The following MRPS6 variants were observed in gnomAD, a reference collection of about 807,000 sequenced individuals.
MRPS6 encodes the protein small ribosomal subunit protein bS6m.
Under a neutral mutation model 13.1 loss-of-function variants are expected in MRPS6, and 6 were observed. The observed-to-expected ratio is 0.46, with a 90% CI of 0.25 to 0.91. The LOEUF (loss-of-function observed/expected upper bound fraction) is 0.91. MRPS6 is among the 40% of genes least tolerant of loss of function. The pLI is 0.18. For synonymous variants in MRPS6, 61 were observed against 56.5 expected, an observed-to-expected ratio of 1.08 and a Z score of -0.36; for missense variants, 164 against 155.6, an observed-to-expected ratio of 1.05 and a Z score of -0.29.
At chr21:34,116,212 G>GTGTGTGTA (rs1369634931) in intron 1 of MRPS6, among the ~76,000 whole-genome samples, 2 of 145,814 alleles carry the variant, frequency 1.4e-5, no homozygotes, top group Admixed American at 7.3e-5. Flanking sequence ...GTGTGTGTGT[G>GTGTGTGTA]TGTGTATGTG....
chr21:34,126,049 AT>A (rs755865596), intron 2 of MRPS6, among the ~76,000 whole-genome samples: 27 of 152,310 alleles, frequency 1.8e-4, no homozygotes, highest in Non-Finnish European at 3.4e-4. Context: ...TTGGAGAACA[AT>A]TTGTAGAATA....
chr21:34,120,289 A>G (rs1416079332), intron 1 of MRPS6, among the ~76,000 whole-genome samples: 1 of 152,146 alleles, frequency 6.6e-6, no homozygotes, highest in Non-Finnish European at 1.5e-5. Context: ...TCCTGTATCT[A>G]TTTATGTACT....
intron 1 of MRPS6, among the ~76,000 whole-genome samples, chr21:34,121,722 C>T (rs903971777): frequency 3.9e-5 from 6 of 152,298 alleles, no homozygotes; most frequent in East Asian, 3.9e-4. Flanking sequence ...CATTTGTTTC[C>T]TGTAAACTAT....
chr21:34,136,234 G>A (rs533038623), intron 2 of MRPS6, among the ~76,000 whole-genome samples: 12 of 151,810 alleles, frequency 7.9e-5, no homozygotes, highest in Admixed American at 2.0e-4. Flanking sequence ...TGCAACCTCC[G>A]CCTCCCAGGT....
In MRPS6 at chr21:34,128,395, A is replaced by G. The variant is rs60561264; in HGVS notation, c.185+2915A>G. Among the ~76,000 whole-genome samples, 1,136 of 152,226 alleles carry G rather than the reference A, an allele frequency of 7.5e-3. 14 individuals carry two copies. The highest frequency in any genetic ancestry group is 0.026 in the African/African-American group (1,060 of 41,516). On this transcript the variant is annotated intron_variant, in intron 2 of 2. Coordinates refer to ENST00000399312, the MANE Select transcript of MRPS6 (RefSeq NM_032476.4). ...CCCCAAATCAACCGCCTTATCACGTACATGCCCAGTAGGCTGGAAGAAAAG... is the reference window on the plus strand; with the variant it reads ...CCCCAAATCAACCGCCTTATCACGTGCATGCCCAGTAGGCTGGAAGAAAAG...
At chr21:34,099,262 G>C in intron 1 of MRPS6, 1 of 1,000,128 alleles carries the variant, frequency 1.0e-6, no homozygotes, top group African/African-American at 1.7e-5. Context: ...TCATTTTCTT[G>C]TTTGGAAGTT....
At chr21:34,104,656 G>T in intron 1 of MRPS6, 1 of 1,000,272 alleles carries the variant, frequency 1.0e-6, no homozygotes, top group South Asian at 4.7e-5. Flanking sequence ...CCAGGAATGA[G>T]CCTACCACAT....
intron 1 of MRPS6, among the ~76,000 whole-genome samples, chr21:34,113,661 T>G (rs1394875606): frequency 1.3e-5 from 2 of 152,348 alleles, no homozygotes; most frequent in South Asian, 2.1e-4. Flanking sequence ...TTGATGGACA[T>G]GCTTTTTGTC....
intron 1 of MRPS6, among the ~76,000 whole-genome samples, chr21:34,086,517 T>TTGTGTGTGTG (rs34988334): frequency 2.7e-5 from 4 of 148,274 alleles, no homozygotes; most frequent in Admixed American, 1.3e-4. Context: ...TAGTTTGTGT[T>TTGTGTGTGTG]TGTGTGTGTG....
intron 1 of MRPS6, chr21:34,099,264 T>C: frequency 2.0e-6 from 2 of 1,000,276 alleles, no homozygotes; most frequent in Non-Finnish European, 2.4e-6. Context: ...ATTTTCTTGT[T>C]TGGAAGTTGA....
intron 1 of MRPS6, among the ~76,000 whole-genome samples, chr21:34,094,436 A>C (rs895051222): frequency 6.6e-6 from 1 of 152,174 alleles, no homozygotes; most frequent in Non-Finnish European, 1.5e-5. Context: ...AGTTACCCCC[A>C]AACTCTCTTA....
chr21:34,127,010 GA>G (rs1235319875), intron 2 of MRPS6, among the ~76,000 whole-genome samples: 2 of 152,174 alleles, frequency 1.3e-5, no homozygotes, highest in African/African-American at 4.8e-5. Flanking sequence ...TCAGGTCCTG[GA>G]GGAGCCCACT....
intron 1 of MRPS6, among the ~76,000 whole-genome samples, chr21:34,111,589 T>C (rs1397655106): frequency 6.6e-6 from 1 of 152,242 alleles, no homozygotes; most frequent in Non-Finnish European, 1.5e-5. Context: ...CTTGCTCTTC[T>C]GTTTTTTCCT....
intron 1 of MRPS6, among the ~76,000 whole-genome samples, chr21:34,115,674 A>G (rs1185996586): frequency 6.8e-6 from 1 of 146,262 alleles, no homozygotes; most frequent in African/African-American, 2.5e-5. Context: ...ACTTGAAGAC[A>G]GAATTTACAA....
intron 1 of MRPS6, among the ~76,000 whole-genome samples, chr21:34,086,687 C>G (rs1483115791): frequency 6.6e-6 from 1 of 152,146 alleles, no homozygotes; most frequent in Non-Finnish European, 1.5e-5. Context: ...ATGTCTGCCT[C>G]TTGGGGTTTT....
intron 2 of MRPS6, among the ~76,000 whole-genome samples, chr21:34,132,227 G>A (rs974035457): frequency 6.6e-6 from 1 of 152,134 alleles, no homozygotes; most frequent in African/African-American, 2.4e-5. Context: ...GGAGAGTGGC[G>A]AATACAGTAA....
chr21:34,081,240 C>T (rs539041822), intron 1 of MRPS6, among the ~76,000 whole-genome samples: 2 of 152,080 alleles, frequency 1.3e-5, no homozygotes, highest in South Asian at 2.1e-4. Context: ...CTGTAGATGT[C>T]GCTTAGATCA....
chr21:34,098,042 A>AC (rs1313681927), intron 1 of MRPS6: 2 of 999,616 alleles, frequency 2.0e-6, no homozygotes, highest in Non-Finnish European at 2.4e-6. Context: ...TACTGAAATG[A>AC]CCAACAAGTC....
intron 1 of MRPS6, among the ~76,000 whole-genome samples, chr21:34,075,122 A>G (rs1989295635): frequency 6.6e-6 from 1 of 152,240 alleles, no homozygotes; most frequent in Admixed American, 6.5e-5. Context: ...AAAAGGGAAG[A>G]TTTTTAATTA....
Sources: allele counts gnomAD v4.1 joint callset (sites outside exome capture counted in the v4.1 genomes callset), GRCh38; gene constraint gnomAD v4.1.1; transcripts MANE v1.5; gene names NCBI Gene and HGNC (gene_info 2026-07-23, HGNC 2026-07-21).